The following GABBR2 variants were observed in gnomAD, a reference collection of about 807,000 sequenced individuals.
GABBR2 encodes gamma-aminobutyric acid type B receptor subunit 2.
A neutral mutation model predicts 105.6 loss-of-function variants in GABBR2; 23 were observed. The observed-to-expected ratio is 0.22, with a 90% CI of 0.16 to 0.31. The LOEUF is 0.31. Ranked by LOEUF, GABBR2 falls within the 10% of genes least tolerant of loss-of-function variation. The pLI, the probability that GABBR2 is intolerant of heterozygous loss-of-function variation, is 1.00. For missense variants in GABBR2, 734 were observed against 1,245.5 expected (o/e 0.59, Z 6.18); for synonymous variants, 478 against 499.7 (o/e 0.96, Z 0.58).
chr9:98,530,756 T>C (rs4596749), intron 3 of GABBR2, among the ~76,000 whole-genome samples: 52,321 of 151,952 alleles, frequency 0.34, 9,270 homozygotes, highest in Middle Eastern at 0.49. Context: ...TGTACTCCAA[T>C]CTGGATGATG....
At chr9:98,660,679 C>G (rs572777835) in intron 1 of GABBR2, among the ~76,000 whole-genome samples, 2 of 152,170 alleles carry the variant, frequency 1.3e-5, no homozygotes, top group African/African-American at 4.8e-5. Context: ...AAGGTTTTGG[C>G]GGGGCTGGTT....
intron 1 of GABBR2, among the ~76,000 whole-genome samples, chr9:98,671,221 A>G (rs1830403098): frequency 6.6e-6 from 1 of 151,900 alleles, no homozygotes; most frequent in South Asian, 2.1e-4. Context: ...GTATTTGCCT[A>G]TTCTGGACAT....
In GABBR2 at chr9:98,432,641, G is replaced by A. The variant is rs997777379; in HGVS notation, c.1236+21340C>T. On this transcript the variant is annotated intron_variant, in intron 7 of 18. Transcript: ENST00000259455. Reference sequence around the variant, plus strand: ...GTGTCTCCCTCACAGGGCTTGTTCCGAGGAAATTTAGTACTTCAGGAGCTT... The same window carrying A: ...GTGTCTCCCTCACAGGGCTTGTTCCAAGGAAATTTAGTACTTCAGGAGCTT... Among the ~76,000 whole-genome samples, 12 of 152,292 alleles carry A rather than the reference G, an allele frequency of 7.9e-5. No homozygotes were observed. The East Asian group carries it at 1.4e-3, about 17-fold the overall frequency.
chr9:98,592,626 C>G (rs1829162414), intron 1 of GABBR2, among the ~76,000 whole-genome samples: 1 of 152,228 alleles, frequency 6.6e-6, no homozygotes, highest in Admixed American at 6.5e-5. Flanking sequence ...CTCTTTAGAG[C>G]TGGCCAGAGA....
intron 7 of GABBR2, among the ~76,000 whole-genome samples, chr9:98,441,607 T>C (rs966823199): frequency 6.6e-6 from 1 of 152,232 alleles, no homozygotes; most frequent in African/African-American, 2.4e-5. Flanking sequence ...CCTCAGGTTA[T>C]CCACCTGCCT....
chr9:98,641,645 G>A (rs558409043), intron 1 of GABBR2, among the ~76,000 whole-genome samples: 7 of 152,258 alleles, frequency 4.6e-5, no homozygotes, highest in African/African-American at 7.2e-5. Context: ...CTTTGCTCCC[G>A]AAATTTATTG....
chr9:98,658,118 G>A (rs1015935602), intron 1 of GABBR2, among the ~76,000 whole-genome samples: 4 of 152,166 alleles, frequency 2.6e-5, no homozygotes, highest in East Asian at 1.9e-4. Context: ...GACAAGAAAC[G>A]TGAGGTTCAG....
chr9:98,613,565 C>T (rs1276211711), intron 1 of GABBR2, among the ~76,000 whole-genome samples: 3 of 152,170 alleles, frequency 2.0e-5, no homozygotes, highest in Admixed American at 6.5e-5. Flanking sequence ...AGGCATAGGC[C>T]TCAAGAGTTA....
chr9:98,590,603 T>C (rs745690089), intron 1 of GABBR2, among the ~76,000 whole-genome samples: 27 of 152,266 alleles, frequency 1.8e-4, no homozygotes, highest in Non-Finnish European at 3.8e-4. Flanking sequence ...GGGGTGCTCT[T>C]TTCTGCAGGT....
At chr9:98,507,673 A>G (rs895102707) in intron 3 of GABBR2, among the ~76,000 whole-genome samples, 2 of 152,244 alleles carry the variant, frequency 1.3e-5, no homozygotes, top group South Asian at 2.1e-4. Context: ...AAATGCCAAC[A>G]TGCTGTTTGA....
chr9:98,461,950 G>A (rs146519151), intron 6 of GABBR2, among the ~76,000 whole-genome samples: 73 of 152,314 alleles, frequency 4.8e-4, no homozygotes, highest in African/African-American at 1.8e-3. Flanking sequence ...CAAAGGGATG[G>A]TGCTAAACCA....
At chr9:98,688,043 A>G (rs1830641618) in intron 1 of GABBR2, among the ~76,000 whole-genome samples, 1 of 152,176 alleles carries the variant, frequency 6.6e-6, no homozygotes, top group Admixed American at 6.5e-5. Context: ...AGGAACACAC[A>G]CACTGAGCAG....
chr9:98,627,744 A>G (rs928497597), intron 1 of GABBR2, among the ~76,000 whole-genome samples: 1 of 152,244 alleles, frequency 6.6e-6, no homozygotes, highest in Non-Finnish European at 1.5e-5. Flanking sequence ...CTGTCCCCCA[A>G]GCCTGAAGCT....
chr9:98,607,010 G>A lies in GABBR2; in HGVS notation c.322-28938C>T, dbSNP rs1406494169. ...CATGTCGCTCGGTAGCTCAACAGAAGACCCCTGAAGGCTATGTGGGATTTG... is the reference window on the plus strand; with the variant it reads ...CATGTCGCTCGGTAGCTCAACAGAAAACCCCTGAAGGCTATGTGGGATTTG... On this transcript the variant is annotated intron_variant, in intron 1 of 18. Transcript: ENST00000259455. 3 of 979,072 alleles carry A rather than the reference G, an allele frequency of 3.1e-6. 1 individual carries two copies. In the South Asian group the frequency reaches 3.8e-5, roughly 13 times the overall value. The allele number at this position is 979,072 out of a possible 1,614,324, so 60.6% of individuals were successfully genotyped here. A position where few individuals can be genotyped will look rare whatever the true frequency, so the allele number is the denominator to read the frequency against.
intron 1 of GABBR2, among the ~76,000 whole-genome samples, chr9:98,654,672 G>T (rs1830155353): frequency 6.6e-6 from 1 of 152,196 alleles, no homozygotes; most frequent in East Asian, 1.9e-4. Flanking sequence ...AAGGGCAGTG[G>T]GGAGTAGGGA....
intron 1 of GABBR2, among the ~76,000 whole-genome samples, chr9:98,585,161 C>T (rs1424761299): frequency 6.6e-6 from 1 of 152,084 alleles, no homozygotes. Context: ...CTCCATCTAC[C>T]CTGCCCAGAA....
In GABBR2 at chr9:98,393,342, A is replaced by ACCAT. The variant is rs921463721; in HGVS notation, c.1378+829_1378+832dup. On this transcript the variant is annotated intron_variant, in intron 9 of 18. Coordinates refer to ENST00000259455, the MANE Select transcript of GABBR2 (RefSeq NM_005458.8). ...ACACACCCATCCAGGCATCCACCCA[A>ACCAT]CCATCCATCCATCCATCCATCCATC... is the stretch of plus-strand genomic sequence containing the variant. Among the ~76,000 whole-genome samples, 267 of 104,700 alleles carry ACCAT rather than the reference A, an allele frequency of 2.6e-3. 3 individuals are homozygous for ACCAT. Among genetic ancestry groups the ACCAT allele is most frequent in the Non-Finnish European group, 2.7e-3 (140 of 52,636 alleles). The allele number at this position is 104,700 out of a possible 152,430, so 68.7% of individuals were successfully genotyped here.
intron 4 of GABBR2, among the ~76,000 whole-genome samples, chr9:98,482,154 A>C (rs1317460018): frequency 3.9e-5 from 6 of 152,258 alleles, no homozygotes; most frequent in Admixed American, 6.5e-5. Context: ...CCCCTCCAGC[A>C]GGCCTCATGG....
intron 1 of GABBR2, among the ~76,000 whole-genome samples, chr9:98,617,533 G>C (rs755089911): frequency 1.3e-5 from 2 of 152,158 alleles, no homozygotes; most frequent in Non-Finnish European, 2.9e-5. Context: ...ACGCATTAGA[G>C]ACATTGCTGT....
Sources: gnomAD v4.1 joint callset for allele counts (sites outside exome capture counted in the v4.1 genomes callset) on GRCh38, gnomAD v4.1.1 for gene constraint, MANE v1.5 for transcripts, NCBI Gene and HGNC (gene_info 2026-07-23, HGNC 2026-07-21) for gene names.